Variants in VIPR2 observed in about 807,000 individuals in gnomAD.
VIPR2 encodes vasoactive intestinal peptide receptor 2.
A neutral mutation model predicts 58.0 loss-of-function variants in VIPR2; 48 were observed. The observed-to-expected ratio is 0.83, with a 90% CI of 0.66 to 1.05. The LOEUF is 1.05. VIPR2 is among the 50% of genes least tolerant of loss of function. VIPR2 has a pLI of 0.00. For synonymous variants in VIPR2, 243 were observed against 235.2 expected, an observed-to-expected ratio of 1.03 and a Z score of -0.30; for missense variants, 534 against 558.0, an observed-to-expected ratio of 0.96 and a Z score of 0.43.
chr7:159,107,772 C>G (rs930021876), intron 3 of VIPR2, among the ~76,000 whole-genome samples: 3 of 152,286 alleles, frequency 2.0e-5, no homozygotes, highest in African/African-American at 7.2e-5. Context: ...GGGTTAGGAC[C>G]TGGAGAAGGA....
intron 4 of VIPR2, among the ~76,000 whole-genome samples, chr7:159,076,685 C>T (rs541043997): frequency 6.6e-6 from 1 of 151,930 alleles, no homozygotes; most frequent in Admixed American, 6.6e-5. Flanking sequence ...TTAATTGGCT[C>T]AAAGAAAAAT....
chr7:159,071,238 G>C (rs1031633801), intron 4 of VIPR2, among the ~76,000 whole-genome samples: 3 of 152,182 alleles, frequency 2.0e-5, no homozygotes, highest in Non-Finnish European at 4.4e-5. Context: ...CTTCATTAGA[G>C]GTGGCCAAGC....
chr7:159,046,433 A>C (rs1456207908), intron 5 of VIPR2, among the ~76,000 whole-genome samples: 3 of 152,230 alleles, frequency 2.0e-5, no homozygotes, highest in Admixed American at 2.0e-4. Flanking sequence ...CATTATGCTA[A>C]GTAAAGACAC....
rs1853366313 is a variant in VIPR2, at chr7:159,028,685, A to T, written c.*1931T>A. 6.6e-6 allele frequency: 1 copy of T among 152,478 alleles called. No homozygotes were observed. Among genetic ancestry groups the T allele is most frequent in the Non-Finnish European group, 1.5e-5 (1 of 68,228 alleles). 9.4% of individuals were successfully genotyped at this position (152,478 alleles called of 1,614,324 possible). The stretch of plus-strand genomic sequence containing the variant: ...TGTCCAAACCCTACAGGGGAGGAAC[A>T]GCCGAGGGGCCGCACTGAACCTGGG... On this transcript the variant is annotated 3_prime_UTR_variant, in exon 13 of 13. Coordinates refer to ENST00000262178, the MANE Select transcript of VIPR2 (RefSeq NM_003382.5).
intron 5 of VIPR2, among the ~76,000 whole-genome samples, chr7:159,048,757 G>C (rs1854798948): frequency 6.6e-6 from 1 of 152,174 alleles, no homozygotes; most frequent in Non-Finnish European, 1.5e-5. Flanking sequence ...GGACACTGCT[G>C]ATCTCAACAG....
chr7:159,106,406 G>A (rs976703316), intron 3 of VIPR2, among the ~76,000 whole-genome samples: 1 of 152,224 alleles, frequency 6.6e-6, no homozygotes. Context: ...GGTACAGAGA[G>A]ACCAGGGAGG....
chr7:159,101,740 C>A (rs140054189), intron 4 of VIPR2, among the ~76,000 whole-genome samples: 1 of 137,750 alleles, frequency 7.3e-6, no homozygotes, highest in Non-Finnish European at 1.5e-5. Flanking sequence ...ATGAGTCTCA[C>A]GAGATCCGAC....
chr7:159,058,301 A>G (rs942042810), intron 5 of VIPR2, among the ~76,000 whole-genome samples, 180 bp downstream of exon 5: 1 of 152,232 alleles, frequency 6.6e-6, no homozygotes, highest in Non-Finnish European at 1.5e-5. Flanking sequence ...TTACATAATA[A>G]ATGCAGAGTA....
intron 2 of VIPR2, among the ~76,000 whole-genome samples, chr7:159,132,541 C>G (rs1458582892): frequency 6.6e-6 from 1 of 152,274 alleles, no homozygotes; most frequent in African/African-American, 2.4e-5. Context: ...GTCTGGGACA[C>G]CCCATCTGGA....
chr7:159,036,005 G>A lies in VIPR2; in HGVS notation c.756C>T (p.Pro252=). Residue 252 remains proline, a synonymous_variant, in exon 8 of 13, where the codon CCC becomes CCT. Transcript: ENST00000262178. ...LAYLLIGWGL[P]TVCIGAWTAA... is the part of the protein sequence containing the mutation. ...CAGTCCATGCACCGATGCAGACGGTGGGGAGGCCTGCAGAGAGACGCCTGG... is the reference window on the plus strand; with the variant it reads ...CAGTCCATGCACCGATGCAGACGGTAGGGAGGCCTGCAGAGAGACGCCTGG... 1.2e-6 allele frequency: 2 copies of A among 1,613,260 alleles called. No individual in the cohort carries two copies. Among genetic ancestry groups the A allele is most frequent in the Middle Eastern group, 1.7e-4 (1 of 5,954 alleles).
intron 5 of VIPR2, among the ~76,000 whole-genome samples, chr7:159,049,265 C>T (rs992922277): frequency 2.0e-5 from 3 of 152,210 alleles, no homozygotes; most frequent in Admixed American, 1.3e-4. Context: ...AATTGGAACA[C>T]ACCCTAAAGA....
At chr7:159,035,182 G>T (rs1280747457) in intron 8 of VIPR2, among the ~76,000 whole-genome samples, 1 of 152,168 alleles carries the variant, frequency 6.6e-6, no homozygotes, top group Admixed American at 6.5e-5. Flanking sequence ...ACCCTGCGCT[G>T]GAAGTCTGCA....
chr7:159,128,048 A>G lies in VIPR2; in HGVS notation c.151+14398T>C, dbSNP rs1421667604. Among the ~76,000 whole-genome samples the G allele has an allele frequency of 1.3e-5, 2 of 152,166 alleles. No individual in the cohort carries two copies. The highest frequency in any genetic ancestry group is 4.8e-5 in the African/African-American group (2 of 41,454). On this transcript the variant is annotated intron_variant, in intron 2 of 12. Transcript: ENST00000262178. The surrounding 1 kb of genome is among the most constrained non-coding windows in gnomAD (Gnocchi z 4.1). ...ACCACCGCTCCCCCCACCTTGCAGC[A>G]GGGCCTGACCGTGGGTCTCGGCAGG...
At chr7:159,063,330 A>G (rs912962552) in intron 4 of VIPR2, among the ~76,000 whole-genome samples, 5 of 152,058 alleles carry the variant, frequency 3.3e-5, no homozygotes, top group Non-Finnish European at 7.4e-5. Context: ...CACTGCCAGC[A>G]GGCCGGCACT....
At chr7:159,072,110 G>A (rs1319293732) in intron 4 of VIPR2, among the ~76,000 whole-genome samples, 1 of 149,262 alleles carries the variant, frequency 6.7e-6, no homozygotes, top group Non-Finnish European at 1.5e-5. Context: ...AAGGCACGAT[G>A]GTACCGGCAG....
At chr7:159,142,335 T>C in intron 2 of VIPR2, 111 bp downstream of exon 2, 1 of 765,132 alleles carries the variant, frequency 1.3e-6, no homozygotes, top group African/African-American at 2.2e-5. Flanking sequence ...GCCTTTCTTT[T>C]TCTTTTTTTT....
intron 5 of VIPR2, among the ~76,000 whole-genome samples, chr7:159,056,658 A>G (rs1248784929): frequency 1.3e-5 from 2 of 152,220 alleles, no homozygotes; most frequent in Admixed American, 1.3e-4. Context: ...ATAAAATAAG[A>G]ACATGGCTAC....
At position 159,091,438 on chromosome 7, in the gene VIPR2, C is replaced by T. The variant is rs115021196; in HGVS notation, c.357+12319G>A. On this transcript the variant is annotated intron_variant, in intron 4 of 12. Coordinates refer to ENST00000262178, the MANE Select transcript of VIPR2 (RefSeq NM_003382.5). Reference sequence around the variant, plus strand: ...AGCATGGTGCCAGGTGCTCTGTGAACGCTCAATAATTTATGCTATTTGGTG... The same window carrying T: ...AGCATGGTGCCAGGTGCTCTGTGAATGCTCAATAATTTATGCTATTTGGTG... Among the ~76,000 whole-genome samples, 813 of 152,240 alleles carry T rather than the reference C, an allele frequency of 5.3e-3. 10 individuals carry two copies. The highest frequency in any genetic ancestry group is 0.018 in the African/African-American group (753 of 41,538).
At chr7:159,132,637 C>T (rs553568193) in intron 2 of VIPR2, among the ~76,000 whole-genome samples, 43 of 152,332 alleles carry the variant, frequency 2.8e-4, no homozygotes, top group African/African-American at 5.0e-4. Flanking sequence ...GGGATGACTC[C>T]GAGTCACAGT....
Sources: allele counts gnomAD v4.1 joint callset (sites outside exome capture counted in the v4.1 genomes callset), GRCh38; gene constraint gnomAD v4.1.1; non-coding constraint Gnocchi (gnomAD v3.1); transcripts MANE v1.5; gene names NCBI Gene and HGNC (gene_info 2026-07-23, HGNC 2026-07-21).